The following SOX6 variants were observed in gnomAD, a reference collection of about 807,000 sequenced individuals.
SOX6 encodes the protein SRY-box transcription factor 6, also known as transcription factor SOX-6.
In SOX6, 11 loss-of-function variants were observed where a neutral mutation model predicts 97.8. The observed-to-expected ratio is 0.11, with a 90% CI of 0.07 to 0.19. The LOEUF is 0.19. Ranked by LOEUF, SOX6 falls within the 10% of genes least tolerant of loss-of-function variation. The pLI, the probability that SOX6 is intolerant of heterozygous loss-of-function variation, is 1.00. For missense variants in SOX6, 810 were observed against 1,039.5 expected, an observed-to-expected ratio of 0.78 and a Z score of 3.04; for synonymous variants, 360 against 371.4, an observed-to-expected ratio of 0.97 and a Z score of 0.35.
chr11:16,683,515 G>C (rs1847944843), intron 3 of SOX6, among the ~76,000 whole-genome samples: 1 of 152,176 alleles, frequency 6.6e-6, no homozygotes, highest in Non-Finnish European at 1.5e-5. Context: ...ATGGTGCTGG[G>C]AAAATTGGCT....
chr11:16,353,254 A>G (rs1003561166), intron 1 of SOX6, among the ~76,000 whole-genome samples: 1 of 152,040 alleles, frequency 6.6e-6, no homozygotes, highest in African/African-American at 2.4e-5. Flanking sequence ...GAGAGAAAAC[A>G]AGATGAGGAG....
intron 2 of SOX6, among the ~76,000 whole-genome samples, chr11:16,328,641 C>A (rs76774217): frequency 6.6e-6 from 1 of 152,088 alleles, no homozygotes; most frequent in African/African-American, 2.4e-5. Context: ...AACATTTTTT[C>A]TGATTCTCCA....
At chr11:16,031,490 G>A (rs370070305) in intron 12 of SOX6, 9 of 152,118 alleles carry the variant, frequency 5.9e-5, no homozygotes, top group African/African-American at 1.7e-4. Context: ...ACTTATCATT[G>A]GAGATGCACA....
intron 12 of SOX6, among the ~76,000 whole-genome samples, chr11:16,023,908 C>A (rs1054668572): frequency 6.6e-6 from 1 of 152,092 alleles, no homozygotes; most frequent in Non-Finnish European, 1.5e-5. Flanking sequence ...AATAACTTCA[C>A]GAGATTTGGA....
intron 3 of SOX6, among the ~76,000 whole-genome samples, chr11:16,266,465 C>T (rs1854086813): frequency 6.6e-6 from 1 of 151,396 alleles, no homozygotes; most frequent in Non-Finnish European, 1.5e-5. Context: ...TGAAGGAGAT[C>T]TGTATCTACA....
chr11:16,652,268 A>G (rs1381077398), intron 3 of SOX6, among the ~76,000 whole-genome samples: 1 of 152,162 alleles, frequency 6.6e-6, no homozygotes, highest in Non-Finnish European at 1.5e-5. Context: ...CACTCTTAAA[A>G]TTCATGTAGA....
intron 6 of SOX6, among the ~76,000 whole-genome samples, chr11:16,117,675 T>C (rs984188061): frequency 3.9e-5 from 6 of 152,126 alleles, no homozygotes; most frequent in African/African-American, 1.4e-4. Context: ...TTTATGGAAG[T>C]TGTGTATTAA....
At chr11:16,635,325 C>A (rs1158125098) in intron 3 of SOX6, among the ~76,000 whole-genome samples, 1 of 152,180 alleles carries the variant, frequency 6.6e-6, no homozygotes, top group African/African-American at 2.4e-5. Context: ...AAAGTCCAGG[C>A]TGAGGTGGCC....
intron 1 of SOX6, among the ~76,000 whole-genome samples, chr11:16,388,040 C>T (rs1312437280): frequency 2.0e-5 from 3 of 152,144 alleles, no homozygotes; most frequent in African/African-American, 4.8e-5. Context: ...AAAGCATTCA[C>T]TATTTCACCA....
chr11:16,523,175 T>C (rs1308705313), intron 4 of SOX6, among the ~76,000 whole-genome samples: 1 of 136,634 alleles, frequency 7.3e-6, no homozygotes, highest in Non-Finnish European at 1.5e-5. Flanking sequence ...CAACAGAATA[T>C]ACATTTTTTT....
At chr11:16,629,264 G>A (rs1848670405) in intron 3 of SOX6, among the ~76,000 whole-genome samples, 1 of 152,170 alleles carries the variant, frequency 6.6e-6, no homozygotes, top group Non-Finnish European at 1.5e-5. Flanking sequence ...TTTGAGGTAT[G>A]TTCCTTCGAT....
intron 4 of SOX6, among the ~76,000 whole-genome samples, chr11:16,563,266 A>T (rs768554573): frequency 6.6e-6 from 1 of 152,176 alleles, no homozygotes; most frequent in Non-Finnish European, 1.5e-5. Flanking sequence ...AATAACTAAA[A>T]TTAAAAGCTC....
chr11:16,375,514 A>AG lies in SOX6; in HGVS notation c.-4-34263_-4-34262insC, dbSNP rs1299589985. Among the ~76,000 whole-genome samples the AG allele has an allele frequency of 3.9e-5, 6 of 152,014 alleles. No individual in the cohort carries two copies. The East Asian group carries it at 7.7e-4, about 20-fold the overall frequency. ...TGTTGTACAGAAAAGAAAAAAAAAAAAGAGAAGAAATTGTCCTGGTCCTAA... is the reference window on the plus strand; with the variant it reads ...TGTTGTACAGAAAAGAAAAAAAAAAAGAGAGAAGAAATTGTCCTGGTCCTAA... On this transcript the variant is annotated intron_variant, in intron 1 of 15. Transcript: ENST00000396356.
chr11:16,272,797 A>G (rs1854295300), intron 3 of SOX6, among the ~76,000 whole-genome samples: 1 of 151,824 alleles, frequency 6.6e-6, no homozygotes, highest in Admixed American at 6.6e-5. Context: ...CTCTCCTGAC[A>G]TTTTCAACCT....
intron 9 of SOX6, among the ~76,000 whole-genome samples, chr11:16,092,866 C>T (rs975106061): frequency 6.6e-6 from 1 of 151,054 alleles, no homozygotes; most frequent in Non-Finnish European, 1.5e-5. Context: ...AAAAAAAAGT[C>T]ATCCAGAGCT....
At chr11:16,510,914 G>T (rs1407201561) in intron 4 of SOX6, among the ~76,000 whole-genome samples, 1 of 151,960 alleles carries the variant, frequency 6.6e-6, no homozygotes, top group East Asian at 1.9e-4. Flanking sequence ...CTTCTTGCAG[G>T]CTAACTGAAG....
chr11:16,006,614 C>T (rs1426343977), intron 13 of SOX6, among the ~76,000 whole-genome samples: 1 of 152,010 alleles, frequency 6.6e-6, no homozygotes, highest in East Asian at 1.9e-4. Context: ...TATCTCCAGC[C>T]ACACTTCTAT....
intron 4 of SOX6, among the ~76,000 whole-genome samples, chr11:16,574,771 T>TA (rs925824128): frequency 5.3e-5 from 8 of 151,708 alleles, no homozygotes; most frequent in Admixed American, 2.6e-4. Flanking sequence ...TCATTTTTTT[T>TA]AAAAAAAGAT....
At chr11:16,498,128 A>G (rs1227320461) in intron 4 of SOX6, among the ~76,000 whole-genome samples, 2 of 152,166 alleles carry the variant, frequency 1.3e-5, no homozygotes, top group Admixed American at 1.3e-4. Context: ...CTTGGCAGAA[A>G]CTCTACAAGC....
Sources: allele counts gnomAD v4.1 joint callset (sites outside exome capture counted in the v4.1 genomes callset), GRCh38; gene constraint gnomAD v4.1.1; transcripts MANE v1.5; gene names NCBI Gene and HGNC (gene_info 2026-07-23, HGNC 2026-07-21).